Variants in CFAP47 observed in about 807,000 individuals in gnomAD.
CFAP47 encodes the protein cilia- and flagella-associated protein 47.
CFAP47 carries 29 observed loss-of-function variants against 148.1 expected under a neutral mutation model. The observed-to-expected ratio is 0.20, with a 90% CI of 0.15 to 0.27. The LOEUF (loss-of-function observed/expected upper bound fraction) is 0.27. Ranked by LOEUF, CFAP47 falls within the 10% of genes least tolerant of loss-of-function variation. CFAP47 has a pLI of 1.00. For missense variants in CFAP47, 1,872 were observed against 1,697.5 expected, an observed-to-expected ratio of 1.10 and a Z score of -1.81; for synonymous variants, 664 against 577.3, an observed-to-expected ratio of 1.15 and a Z score of -2.15.
At chrX:36,002,580 C>T (rs1936928913) in intron 21 of CFAP47, among the ~76,000 whole-genome samples, 1 of 111,113 alleles carries the variant, frequency 9.0e-6, no homozygotes, top group Non-Finnish European at 1.9e-5. Context: ...GAGATTTCGT[C>T]TCAAAAAACC....
chrX:36,302,691 C>A (rs1283722944), intron 53 of CFAP47, among the ~76,000 whole-genome samples: 1 of 111,831 alleles, frequency 8.9e-6, no homozygotes, highest in African/African-American at 3.2e-5. Context: ...GAATTATGAA[C>A]ACTCATTTAT....
At chrX:36,258,770 G>A in intron 49 of CFAP47, among the ~76,000 whole-genome samples, 1 of 112,080 alleles carries the variant, frequency 8.9e-6, no homozygotes, top group Admixed American at 9.4e-5. Context: ...TCCATCCCCA[G>A]AGCATCCATT....
chrX:36,230,989 T>A (rs1212549584), intron 46 of CFAP47, among the ~76,000 whole-genome samples: 2 of 105,031 alleles, frequency 1.9e-5, no homozygotes, highest in African/African-American at 7.5e-5. Flanking sequence ...TTGGTACCAG[T>A]ACCATGCTGT....
At chrX:36,301,684 G>A (rs1302432373) in intron 53 of CFAP47, among the ~76,000 whole-genome samples, 1 of 110,462 alleles carries the variant, frequency 9.1e-6, no homozygotes, top group African/African-American at 3.3e-5. Flanking sequence ...TAGGCTTAGG[G>A]ACAAGCAGAG....
At chrX:36,176,935 G>A (rs1481466010) in intron 39 of CFAP47, among the ~76,000 whole-genome samples, 2 of 111,439 alleles carry the variant, frequency 1.8e-5, no homozygotes, top group African/African-American at 6.5e-5. Flanking sequence ...TAAATAAATG[G>A]GCAAACTATA....
At chrX:36,127,675 A>T (rs1359367210) in intron 33 of CFAP47, among the ~76,000 whole-genome samples, 2 of 111,297 alleles carry the variant, frequency 1.8e-5, no homozygotes, top group African/African-American at 6.5e-5. Context: ...TCTGTAAATT[A>T]CTTTGGGCAG....
At chrX:35,939,762 C>T (rs1935974685) in intron 2 of CFAP47, among the ~76,000 whole-genome samples, 2 of 97,845 alleles carry the variant, frequency 2.0e-5, no homozygotes, top group Non-Finnish European at 4.1e-5. Context: ...CATACGTGTG[C>T]ATGTGTCTTT....
intron 56 of CFAP47, among the ~76,000 whole-genome samples, chrX:36,317,505 G>A (rs1049240177): frequency 6.4e-5 from 7 of 108,730 alleles, no homozygotes; most frequent in Non-Finnish European, 9.5e-5. Context: ...CGCCTCCTAG[G>A]TTCATGCCAT....
intron 25 of CFAP47, among the ~76,000 whole-genome samples, chrX:36,039,899 CT>C (rs1277858354): frequency 8.9e-6 from 1 of 111,998 alleles, no homozygotes; most frequent in Non-Finnish European, 1.9e-5. Flanking sequence ...GATAATTTCC[CT>C]CTTGCTTTAT....
chrX:35,987,077 C>T (rs982555755), intron 15 of CFAP47, among the ~76,000 whole-genome samples: 1 of 111,575 alleles, frequency 9.0e-6, no homozygotes, highest in Non-Finnish European at 1.9e-5. Context: ...TCAGCAGGCA[C>T]GAGGGTCAGA....
chrX:36,299,223 T>G (rs1484201095), intron 52 of CFAP47, 71 bp downstream of exon 52: 1 of 644,547 alleles, frequency 1.6e-6, no homozygotes, highest in African/African-American at 2.3e-5. Flanking sequence ...TTATTTTTTC[T>G]TATACTATAA....
intron 57 of CFAP47, among the ~76,000 whole-genome samples, chrX:36,332,424 A>G (rs1941572723): frequency 8.9e-6 from 1 of 111,882 alleles, no homozygotes; most frequent in Non-Finnish European, 1.9e-5. Flanking sequence ...CTCTACTGTC[A>G]TCAGCTTTGT....
At chrX:36,070,141 A>G (rs746179920) in intron 27 of CFAP47, among the ~76,000 whole-genome samples, 1 of 112,305 alleles carries the variant, frequency 8.9e-6, no homozygotes, top group Non-Finnish European at 1.9e-5. Context: ...TGACTCTGTT[A>G]TGAAAGAGTG....
rs782267634 is a variant in CFAP47, at chrX:36,257,550, T to C, written c.7444+6106T>C. Among the ~76,000 whole-genome samples, 3 of 109,766 alleles carry C rather than the reference T, an allele frequency of 2.7e-5. No homozygotes were observed. In the South Asian group the frequency reaches 1.2e-3, roughly 44 times the overall value. Reference sequence around the variant, plus strand: ...GCGATCCTCCCACCTCAGCCTCCCATGTAGTTGGGACAACAGTTGTGTACC... The same window carrying C: ...GCGATCCTCCCACCTCAGCCTCCCACGTAGTTGGGACAACAGTTGTGTACC... On this transcript the variant is annotated intron_variant, in intron 49 of 63. Coordinates refer to ENST00000378653, the MANE Select transcript of CFAP47 (RefSeq NM_001304548.2).
chrX:36,138,323 A>C, intron 34 of CFAP47, 25 bp from the exon 35 acceptor site: 1 of 1,079,029 alleles, frequency 9.3e-7, no homozygotes, highest in East Asian at 3.4e-5. Context: ...CATTACCAAA[A>C]GGTTTGATTT....
At chrX:36,326,219 C>G (rs1436521627) in intron 57 of CFAP47, among the ~76,000 whole-genome samples, 1 of 110,891 alleles carries the variant, frequency 9.0e-6, no homozygotes, top group African/African-American at 3.3e-5. Flanking sequence ...ATACTTCAAA[C>G]TTTTTCTCTT....
intron 61 of CFAP47, among the ~76,000 whole-genome samples, chrX:36,364,615 G>A (rs1320247205): frequency 9.2e-6 from 1 of 109,037 alleles, no homozygotes; most frequent in Admixed American, 1.0e-4. Context: ...AATAATAAAT[G>A]CAGAAGTCGT....
chrX:36,082,180 G>A (rs1016834931), intron 29 of CFAP47, among the ~76,000 whole-genome samples: 7 of 110,991 alleles, frequency 6.3e-5, no homozygotes, highest in East Asian at 2.8e-4. Flanking sequence ...CCTTTTCTCC[G>A]CATCTTCTCC....
chrX:36,196,192 T>G (rs190657599), intron 42 of CFAP47, among the ~76,000 whole-genome samples: 1 of 111,455 alleles, frequency 9.0e-6, no homozygotes, highest in East Asian at 2.8e-4. Context: ...AAATATAATT[T>G]TAAATAACAG....
Sources: gnomAD v4.1 joint callset for allele counts (sites outside exome capture counted in the v4.1 genomes callset) on GRCh38, gnomAD v4.1.1 for gene constraint, MANE v1.5 for transcripts, NCBI Gene and HGNC (gene_info 2026-07-23, HGNC 2026-07-21) for gene names.